AVL9: variants seen among roughly 807,000 people sequenced by gnomAD.
The protein encoded by AVL9 is AVL9 cell migration associated, also known as late secretory pathway protein AVL9 homolog.
A neutral mutation model predicts 79.2 loss-of-function variants in AVL9; 49 were observed. The ratio of observed to expected loss-of-function variants is 0.62; its 90% CI spans 0.49 to 0.79. The LOEUF (loss-of-function observed/expected upper bound fraction) is 0.79. AVL9 is among the 30% of genes least tolerant of loss of function. AVL9 has a pLI of 0.00. For synonymous variants in AVL9, 299 were observed against 280.6 expected (o/e 1.07, Z -0.65); for missense variants, 682 against 776.8 (o/e 0.88, Z 1.45).
At chr7:32,545,636 T>C (rs1789458915) in intron 3 of AVL9, among the ~76,000 whole-genome samples, 1 of 152,204 alleles carries the variant, frequency 6.6e-6, no homozygotes, top group East Asian at 1.9e-4. Context: ...TCTGCAGGCA[T>C]GAGCCACTGT....
chr7:32,567,400 C>G (rs1273566391), intron 10 of AVL9, among the ~76,000 whole-genome samples: 3 of 152,132 alleles, frequency 2.0e-5, no homozygotes, highest in Non-Finnish European at 4.4e-5. Flanking sequence ...CCACACCTAG[C>G]AAGTAATGCT....
At chr7:32,553,839 A>G (rs1183992713) in intron 7 of AVL9, 72 bp downstream of exon 7, 9 of 1,072,140 alleles carry the variant, frequency 8.4e-6, no homozygotes, top group African/African-American at 1.6e-5. Context: ...TAGTGTGCTC[A>G]TTTAACTGCC....
At chr7:32,533,660 C>T (rs1177639876) in intron 1 of AVL9, 7 of 152,150 alleles carry the variant, frequency 4.6e-5, no homozygotes, top group African/African-American at 1.7e-4. Context: ...TTTGACTTTG[C>T]TGCCTAAAAT....
chr7:32,539,408 G>A (rs909142377), intron 1 of AVL9: 5 of 152,020 alleles, frequency 3.3e-5, no homozygotes, highest in African/African-American at 1.2e-4. Context: ...AATGCTTTTT[G>A]TTCTTAAAGT....
chr7:32,533,936 CAG>C (rs1266422774), intron 1 of AVL9: 2 of 152,182 alleles, frequency 1.3e-5, no homozygotes, highest in Admixed American at 6.5e-5. Flanking sequence ...CTGAAGTACT[CAG>C]AGTTCACACT....
At chr7:32,557,488 A>G (rs1184706610) in intron 8 of AVL9, among the ~76,000 whole-genome samples, 1 of 152,150 alleles carries the variant, frequency 6.6e-6, no homozygotes, top group Non-Finnish European at 1.5e-5. Context: ...TGACACTGGC[A>G]TTTTAAAAAT....
intron 10 of AVL9, among the ~76,000 whole-genome samples, chr7:32,566,604 TGCG>T (rs1319258876): frequency 8.5e-5 from 13 of 152,150 alleles, no homozygotes; most frequent in Admixed American, 7.2e-4. Flanking sequence ...TTTGGCCAGG[TGCG>T]GTGGCTCACA....
chr7:32,545,029 ATT>A (rs1326879479), intron 3 of AVL9, among the ~76,000 whole-genome samples: 2 of 152,106 alleles, frequency 1.3e-5, no homozygotes, highest in African/African-American at 2.4e-5. Context: ...TAAATTATCT[ATT>A]TGTCTTTTAA....
intron 15 of AVL9, chr7:32,581,399 AAG>A: frequency 6.6e-6 from 1 of 152,608 alleles, no homozygotes; most frequent in East Asian, 1.9e-4. Context: ...CAGAAATTAA[AAG>A]AACAGAAAAT....
At chr7:32,540,667 T>C (rs1003440864) in intron 1 of AVL9, among the ~76,000 whole-genome samples, 1 of 152,078 alleles carries the variant, frequency 6.6e-6, no homozygotes, top group African/African-American at 2.4e-5. Flanking sequence ...GGGCCTCTCA[T>C]TTTGTTATCT....
chr7:32,579,579 TATTA>T (rs1791390888), intron 13 of AVL9, among the ~76,000 whole-genome samples: 1 of 14,692 alleles, frequency 6.8e-5, no homozygotes, highest in Non-Finnish European at 1.1e-4. Flanking sequence ...TTATATTATA[TATTA>T]TATATTATAT....
chr7:32,540,827 T>G (rs1352291115), intron 1 of AVL9, among the ~76,000 whole-genome samples: 1 of 149,730 alleles, frequency 6.7e-6, no homozygotes, highest in Non-Finnish European at 1.5e-5. Flanking sequence ...TTAATTCAAA[T>G]TGCATTTCCA....
chr7:32,514,653 T>A (rs1052219621), intron 1 of AVL9, among the ~76,000 whole-genome samples: 1 of 152,180 alleles, frequency 6.6e-6, no homozygotes, highest in African/African-American at 2.4e-5. Context: ...GGTCCTTGCC[T>A]TAAGTGATGA....
At chr7:32,509,611 T>A (rs1787564985) in intron 1 of AVL9, among the ~76,000 whole-genome samples, 1 of 152,112 alleles carries the variant, frequency 6.6e-6, no homozygotes, top group African/African-American at 2.4e-5. Context: ...ACAGACTGTC[T>A]TGGCCGGGCG....
intron 1 of AVL9, among the ~76,000 whole-genome samples, chr7:32,500,955 G>T (rs898980779): frequency 6.6e-6 from 1 of 152,064 alleles, no homozygotes; most frequent in African/African-American, 2.4e-5. Context: ...GTTCTGTCCC[G>T]TTGGTCTATA....
chr7:32,510,777 G>T (rs10248722), intron 1 of AVL9, among the ~76,000 whole-genome samples: 89,956 of 93,906 alleles, frequency 0.96, 43,281 homozygotes, highest in East Asian at 1. Context: ...TCAGGTCTGG[G>T]TGTAGGAGTC....
At chr7:32,565,029 A>G (rs542728953) in intron 10 of AVL9, among the ~76,000 whole-genome samples, 3 of 152,186 alleles carry the variant, frequency 2.0e-5, no homozygotes, top group Non-Finnish European at 4.4e-5. Flanking sequence ...CTTTTCTTCC[A>G]TTCTTCCCTG....
intron 1 of AVL9, among the ~76,000 whole-genome samples, chr7:32,500,242 C>T (rs1787060664): frequency 6.6e-6 from 1 of 152,204 alleles, no homozygotes; most frequent in African/African-American, 2.4e-5. Context: ...TTCACATCCT[C>T]TCCAGCATCT....
intron 8 of AVL9, among the ~76,000 whole-genome samples, chr7:32,557,687 G>A (rs998005135): frequency 6.6e-6 from 1 of 152,048 alleles, no homozygotes; most frequent in Non-Finnish European, 1.5e-5. Context: ...TTGAGGTGGT[G>A]GTTGCCACCT....
Sources: allele counts gnomAD v4.1 joint callset (sites outside exome capture counted in the v4.1 genomes callset), GRCh38; gene constraint gnomAD v4.1.1; transcripts MANE v1.5; gene names NCBI Gene and HGNC (gene_info 2026-07-23, HGNC 2026-07-21).